P2RX2: variants seen among roughly 807,000 people sequenced by gnomAD.
The protein encoded by P2RX2 is purinergic receptor P2X 2.
A neutral mutation model predicts 54.8 loss-of-function variants in P2RX2; 50 were observed. The ratio of observed to expected loss-of-function variants is 0.91; its 90% CI spans 0.73 to 1.15. The LOEUF is 1.15. Among genes scored for constraint, P2RX2 ranks in the 50% most tolerant of loss-of-function variants. The pLI, the probability that P2RX2 is intolerant of heterozygous loss-of-function variation, is 0.00. For synonymous variants in P2RX2, 289 were observed against 259.4 expected (o/e 1.11, Z -1.09); for missense variants, 658 against 633.2 (o/e 1.04, Z -0.42).
intron 7 of P2RX2, among the ~76,000 whole-genome samples, 159 bp from the exon 8 acceptor site, chr12:132,620,842 C>T (rs2138380391): frequency 6.6e-6 from 1 of 152,102 alleles, no homozygotes. Context: ...CCATGGGCCC[C>T]TCAGTGCACA....
At chr12:132,621,582 C>T in intron 10 of P2RX2, 37 bp from the exon 11 acceptor site, 1 of 1,607,472 alleles carries the variant, frequency 6.2e-7, no homozygotes, top group Non-Finnish European at 8.5e-7. Context: ...GCGGGGGGTC[C>T]ACCAGGCCCT....
At chr12:132,620,235 G>A (rs1477730325) in intron 5 of P2RX2, 32 bp from the exon 6 acceptor site, 14 of 1,590,440 alleles carry the variant, frequency 8.8e-6, no homozygotes, top group Non-Finnish European at 1.2e-5. Flanking sequence ...TGCGGGAAGA[G>A]GGGACTAAAC....
chr12:132,621,840 G>A lies in P2RX2; in HGVS notation c.1284G>A (p.Glu428=), dbSNP rs1206280090. ...PSGQEGQQGA[E]CGPAFPPLRP... is the part of the protein sequence containing the mutation. ...GCCAGGAGGGCCAACAAGGGGCAGA[G>A]TGTGGCCCAGCCTTCCCGCCCCTGC... Residue 428 remains glutamate (E), a synonymous_variant, in exon 11 of 11, where the codon GAG becomes GAA. Transcript: ENST00000643471. 1.2e-6 allele frequency: 2 copies of A among 1,612,374 alleles called. No homozygotes were observed. The highest frequency in any genetic ancestry group is 1.7e-6 in the Non-Finnish European group (2 of 1,179,348).
Position 132,619,878 on chromosome 12 carries a change from ACGCCGACTGCGTGG to A in P2RX2, c.418_431del (p.Ala140TrpfsTer127). 6.4e-7 allele frequency: 1 copy of A among 1,555,842 alleles called. No homozygotes were observed. The highest frequency in any genetic ancestry group is 1.1e-5 in the South Asian group (1 of 90,074). Reference sequence around the variant, plus strand: ...GTCCACAACGCCACCTGCCTCTCCGACGCCGACTGCGTGGCTGGGGAGCTGGACATGCTGGGAAA... The same window carrying A: ...GTCCACAACGCCACCTGCCTCTCCGACTGGGGAGCTGGACATGCTGGGAAA... On this transcript the variant is annotated frameshift_variant, in exon 4 of 11. Transcript: ENST00000643471. LOFTEE classifies it high-confidence loss of function.
At chr12:132,621,229 A>G (rs1337467743) in intron 8 of P2RX2, 26 bp from the exon 9 acceptor site, 2 of 1,613,834 alleles carry the variant, frequency 1.2e-6, no homozygotes, top group African/African-American at 1.3e-5. Flanking sequence ...GCAGAGGACG[A>G]GTGGGCACTG....
chr12:132,622,007 C>T lies in P2RX2; in HGVS notation c.*35C>T. 1 of 1,612,046 alleles carries T rather than the reference C, an allele frequency of 6.2e-7. No homozygotes were observed. Among genetic ancestry groups the T allele is most frequent in the Non-Finnish European group, 8.5e-7 (1 of 1,179,404 alleles). On this transcript the variant is annotated 3_prime_UTR_variant, in exon 11 of 11. Transcript: ENST00000643471. The stretch of plus-strand genomic sequence containing the variant: ...CATCTCACTGGACTGCAGACCCGGC[C>T]TGGTGGGGCCAGAGAGTCCCCAGCT...
At position 132,618,901 on chromosome 12, in the gene P2RX2, G is replaced by C; in HGVS notation, c.85G>C (p.Glu29Gln). 1 of 1,362,326 alleles carries C rather than the reference G, an allele frequency of 7.3e-7. No individual in the cohort carries two copies. The highest frequency in any genetic ancestry group is 9.5e-7 in the Non-Finnish European group (1 of 1,050,570). The allele number at this position is 1,362,326 out of a possible 1,614,324, so 84.4% of individuals were successfully genotyped here. A position where few individuals can be genotyped will look rare whatever the true frequency, so the allele number is the denominator to read the frequency against. The change falls in exon 1 of 11, where the codon GAG (glutamate) becomes CAG (glutamine). Residue 29 changes from glutamate to glutamine, a missense_variant. Glu to Gln is a conservative substitution (Grantham distance 29). Transcript: ENST00000643471. ...RGCWSALWDY[E>Q]TPKVIVVRNR... ...CTGCTGGTCCGCCCTCTGGGACTAC[G>C]AGACGCCCAAGGTGATCGTGGTGAG...
Position 132,620,438 on chromosome 12 carries a change from T to G in P2RX2, c.636-7T>G. On this transcript the variant is annotated splice_polypyrimidine_tract_variant and splice_region_variant and intron_variant, in intron 6 of 10. Coordinates refer to ENST00000643471, the MANE Select transcript of P2RX2 (RefSeq NM_170682.4). ...GGTGCAGGTCTCGCCTCCTGCCGCC[T>G]CCTCAGGGGCAACATCGCCGACCGC... 6.2e-7 allele frequency: 1 copy of G among 1,614,006 alleles called. No homozygotes were observed. The highest frequency in any genetic ancestry group is 1.3e-5 in the African/African-American group (1 of 75,036).
chr12:132,622,186 G>A lies in P2RX2; in HGVS notation c.*214G>A. On this transcript the variant is annotated 3_prime_UTR_variant, in exon 11 of 11. Coordinates refer to ENST00000643471, the MANE Select transcript of P2RX2 (RefSeq NM_170682.4). Reference sequence around the variant, plus strand: ...GCCCCTGACACCTCCTCCCCAGCTGGTCCCTACAGGGCTGCTCACTTCCCA... The same window carrying A: ...GCCCCTGACACCTCCTCCCCAGCTGATCCCTACAGGGCTGCTCACTTCCCA... 1 of 1,431,092 alleles carries A rather than the reference G, an allele frequency of 7.0e-7. No individual in the cohort carries two copies. 88.6% of individuals were successfully genotyped at this position (1,431,092 alleles called of 1,614,324 possible).
intron 7 of P2RX2, 64 bp downstream of exon 7, chr12:132,620,647 G>T (rs1425971475): frequency 6.5e-7 from 1 of 1,548,528 alleles, no homozygotes; most frequent in East Asian, 2.2e-5. Context: ...AGGGCCTGGG[G>T]TACAGGGGAC....
In P2RX2 at chr12:132,619,452, G is replaced by T. The variant is rs2041541949; in HGVS notation, c.187G>T (p.Val63Leu). The change falls in exon 2 of 11, where the codon GTG becomes TTG. Residue 63 changes from valine (V) to leucine (L), a missense_variant. By Grantham distance (32) the Val-to-Leu change is conservative. Coordinates refer to ENST00000643471, the MANE Select transcript of P2RX2 (RefSeq NM_170682.4). ...LLYFVWYVFI[V>L]QKSYQESETG... is the part of the protein sequence containing the mutation. ...CCCTGCCCGCAGGTACGTATTCATC[G>T]TGCAGAAAAGCTACCAGGAGAGCGA... The T allele has an allele frequency of 1.9e-6, 3 of 1,612,192 alleles. No individual in the cohort carries two copies. Among genetic ancestry groups the T allele is most frequent in the Non-Finnish European group, 2.5e-6 (3 of 1,179,358 alleles).
At position 132,621,924 on chromosome 12, in the gene P2RX2, T is replaced by A. The variant is rs1434557356; in HGVS notation, c.1368T>A (p.Pro456=). The A allele has an allele frequency of 6.2e-7, 1 of 1,613,818 alleles. No individual in the cohort carries two copies. The highest frequency in any genetic ancestry group is 8.5e-7 in the Non-Finnish European group (1 of 1,180,026). The change falls in exon 11 of 11, where the codon CCT becomes CCA. Residue 456 remains proline (P), a synonymous_variant. Transcript: ENST00000643471. The part of the protein sequence containing the change: ...EQMVDTPASE[P]AQASTPTDPK... ...TGGTGGACACTCCTGCCTCCGAGCC[T>A]GCCCAAGCCTCCACACCCACAGACC...
Position 132,620,877 on chromosome 12 carries a change from CCGGG to C in P2RX2, c.775-122_775-119del. 4.3e-5 allele frequency: 39 copies of C among 911,816 alleles called. 2 individuals carry two copies. The highest frequency in any genetic ancestry group is 3.7e-4 in the Middle Eastern group (1 of 2,724). The allele number at this position is 911,816 out of a possible 1,614,324, so 56.5% of individuals were successfully genotyped here. ...ACCTCACATGCAGCCTGGGACTGACCCGGGCTCTCGAGGGGCCTCTCGTGTGCCC... is the reference window on the plus strand; with the variant it reads ...ACCTCACATGCAGCCTGGGACTGACCCTCTCGAGGGGCCTCTCGTGTGCCC... On this transcript the variant is annotated intron_variant, in intron 7 of 10. Coordinates refer to ENST00000643471, the MANE Select transcript of P2RX2 (RefSeq NM_170682.4).
Position 132,620,287 on chromosome 12 carries a change from C to G in P2RX2, c.575C>G (p.Ala192Gly). ...ASVSQFLGTMAPNFTILIKNS... is the reference protein window; with the variant it reads ...ASVSQFLGTMGPNFTILIKNS... ...CTCAGCCAATTTCTGGGTACGATGG[C>G]CCCAAATTTCACCATCCTCATCAAG... The change falls in exon 6 of 11, where the codon GCC becomes GGC. Residue 192 changes from alanine to glycine, a missense_variant. Coordinates refer to ENST00000643471, the MANE Select transcript of P2RX2 (RefSeq NM_170682.4). 6.2e-7 allele frequency: 1 copy of G among 1,613,918 alleles called. No individual in the cohort carries two copies. The highest frequency in any genetic ancestry group is 8.5e-7 in the Non-Finnish European group (1 of 1,179,780).
In P2RX2 at chr12:132,622,068, G is replaced by A. The variant is rs555703818; in HGVS notation, c.*96G>A. On this transcript the variant is annotated 3_prime_UTR_variant, in exon 11 of 11. Coordinates refer to ENST00000643471, the MANE Select transcript of P2RX2 (RefSeq NM_170682.4). Reference sequence around the variant, plus strand: ...ACGTGGACGTGGGCACCTCAGTAGCGGAGCATCTCCACGAAACGGGGCACC... The same window carrying A: ...ACGTGGACGTGGGCACCTCAGTAGCAGAGCATCTCCACGAAACGGGGCACC... 5.2e-5 allele frequency: 82 copies of A among 1,571,798 alleles called. No individual in the cohort carries two copies. Among genetic ancestry groups the A allele is most frequent in the Middle Eastern group, 3.5e-4 (2 of 5,796 alleles).
chr12:132,621,999 G>A lies in P2RX2; in HGVS notation c.*27G>A, dbSNP rs200499973. ...CTCCTTTCCATCTCACTGGACTGCA[G>A]ACCCGGCCTGGTGGGGCCAGAGAGT... On this transcript the variant is annotated 3_prime_UTR_variant, in exon 11 of 11. Coordinates refer to ENST00000643471, the MANE Select transcript of P2RX2 (RefSeq NM_170682.4). 3.7e-5 allele frequency: 59 copies of A among 1,612,898 alleles called. No homozygotes were observed. In the Admixed American group the frequency reaches 4.7e-4, roughly 13 times the overall value.
chr12:132,622,129 G>A lies in P2RX2; in HGVS notation c.*157G>A. Reference sequence around the variant, plus strand: ...TGTGCAAGGGCTGGGGGCACGCTCTGGCCCCAGGCTTGTGCCCCACCCTGG... The same window carrying A: ...TGTGCAAGGGCTGGGGGCACGCTCTAGCCCCAGGCTTGTGCCCCACCCTGG... On this transcript the variant is annotated 3_prime_UTR_variant, in exon 11 of 11. Transcript: ENST00000643471. 1 of 1,469,636 alleles carries A rather than the reference G, an allele frequency of 6.8e-7. No individual in the cohort carries two copies. The highest frequency in any genetic ancestry group is 8.9e-7 in the Non-Finnish European group (1 of 1,118,514). The allele number at this position is 1,469,636 out of a possible 1,614,324, so 91.0% of individuals were successfully genotyped here.
In P2RX2 at chr12:132,621,786, C is replaced by T. The variant is rs141995293; in HGVS notation, c.1230C>T (p.Ser410=). 6.5e-5 allele frequency: 104 copies of T among 1,601,332 alleles called. No individual in the cohort carries two copies. Among genetic ancestry groups the T allele is most frequent in the African/African-American group, 2.9e-4 (22 of 74,752 alleles). ...CCCCTCCCGAACCCGGCCACCGCTC[C>T]GAGGACCAGCACCCCAGCCCTCCAT... ...GQAPPEPGHR[S]EDQHPSPPSG... The change falls in exon 11 of 11, where the codon TCC becomes TCT. Residue 410 remains serine (S), a synonymous_variant. Transcript: ENST00000643471.
At position 132,619,866 on chromosome 12, in the gene P2RX2, C is replaced by G. The variant is rs1447530745; in HGVS notation, c.404C>G (p.Thr135Ser). The part of the protein sequence containing the change: ...CPESIRVHNA[T>S]CLSDADCVAG... The stretch of plus-strand genomic sequence containing the variant: ...TAGAGCATAAGGGTCCACAACGCCA[C>G]CTGCCTCTCCGACGCCGACTGCGTG... Residue 135 changes from threonine (T) to serine (S), a missense_variant, in exon 4 of 11, where the codon ACC becomes AGC. Coordinates refer to ENST00000643471, the MANE Select transcript of P2RX2 (RefSeq NM_170682.4). 6.2e-7 allele frequency: 1 copy of G among 1,612,002 alleles called. No homozygotes were observed. The highest frequency in any genetic ancestry group is 8.5e-7 in the Non-Finnish European group (1 of 1,179,720).
Sources: gnomAD v4.1 joint callset for allele counts (sites outside exome capture counted in the v4.1 genomes callset) on GRCh38, gnomAD v4.1.1 for gene constraint, MANE v1.5 for transcripts, NCBI Gene and HGNC (gene_info 2026-07-23, HGNC 2026-07-21) for gene names.